Variants in GADL1 observed in about 807,000 individuals in gnomAD.
GADL1 encodes the protein GAD like acidic amino acid decarboxylase 1, also known as acidic amino acid decarboxylase GADL1.
In GADL1, 71 loss-of-function variants were observed where a neutral mutation model predicts 69.5. The observed-to-expected ratio is 1.02, with a 90% CI of 0.84 to 1.25. The LOEUF is 1.25. Ranked by LOEUF, GADL1 falls within the 50% of genes most tolerant of loss-of-function variation. The probability of loss-of-function intolerance (pLI) is 0.00; values close to 1 mark genes in which losing one functional copy is unlikely to be tolerated. For synonymous variants in GADL1, 254 were observed against 214.4 expected (o/e 1.18, Z -1.62); for missense variants, 737 against 631.8 (o/e 1.17, Z -1.79).
chr3:30,842,615 C>G (rs1461385660), intron 8 of GADL1, among the ~76,000 whole-genome samples: 1 of 151,756 alleles, frequency 6.6e-6, no homozygotes. Flanking sequence ...AATTAATATT[C>G]CCCACCAACA....
chr3:30,855,167 A>C (rs932923276), intron 3 of GADL1, among the ~76,000 whole-genome samples: 14 of 152,086 alleles, frequency 9.2e-5, no homozygotes, highest in Non-Finnish European at 2.1e-4. Context: ...AAAAAAATCC[A>C]AAACAGGATC....
At chr3:30,778,552 T>C (rs1696590644) in intron 13 of GADL1, among the ~76,000 whole-genome samples, 1 of 152,178 alleles carries the variant, frequency 6.6e-6, no homozygotes, top group East Asian at 1.9e-4. Flanking sequence ...GCTCTGATCG[T>C]CAGTTAGTGC....
Position 30,728,379 on chromosome 3 carries a change from C to G in GADL1, c.1429G>C (p.Gly477Arg). 9 of 1,613,810 alleles carry G rather than the reference C, an allele frequency of 5.6e-6. No homozygotes were observed. The highest frequency in any genetic ancestry group is 7.6e-6 in the Non-Finnish European group (9 of 1,179,838). Residue 477 changes from glycine (G) to arginine (R), a missense_variant, in exon 15 of 15, where the codon GGA becomes CGA. Coordinates refer to ENST00000282538, the MANE Select transcript of GADL1 (RefSeq NM_207359.3). Reference protein sequence around the residue: ...PAIKERMMKKGSLMLGYQPHR... With the variant: ...PAIKERMMKKRSLMLGYQPHR... ...GGCTGGTAGCCCAGCATCAAGCTTC[C>G]CTTCTTCATCATCCTCTCCTTAATG...
At chr3:30,867,099 A>G (rs755247574) in intron 1 of GADL1, among the ~76,000 whole-genome samples, 1 of 152,046 alleles carries the variant, frequency 6.6e-6, no homozygotes, top group Non-Finnish European at 1.5e-5. Flanking sequence ...ATTGGAGCCC[A>G]TCTGAGGAAA....
chr3:30,843,021 C>T (rs1426303870), intron 8 of GADL1, among the ~76,000 whole-genome samples: 1 of 151,514 alleles, frequency 6.6e-6, no homozygotes, highest in African/African-American at 2.4e-5. Context: ...CATTAAAAAA[C>T]CCATCCTTGT....
chr3:30,760,975 A>AAAAATC (rs5847625), intron 14 of GADL1, among the ~76,000 whole-genome samples: 1 of 150,436 alleles, frequency 6.6e-6, no homozygotes, highest in Non-Finnish European at 1.5e-5. Context: ...ATGGCTAATA[A>AAAAATC]ATATTTACCT....
chr3:30,753,466 GTT>G (rs1337380067), intron 14 of GADL1, among the ~76,000 whole-genome samples: 1 of 151,448 alleles, frequency 6.6e-6, no homozygotes, highest in Non-Finnish European at 1.5e-5. Context: ...AAATTCTCAG[GTT>G]TTTTCAATCC....
intron 14 of GADL1, among the ~76,000 whole-genome samples, chr3:30,773,191 CTT>C (rs972595967): frequency 6.6e-6 from 1 of 151,908 alleles, no homozygotes; most frequent in Admixed American, 6.6e-5. Context: ...CTTATAAAAA[CTT>C]TGTTGTTAAA....
chr3:30,749,595 A>G lies in GADL1; in HGVS notation c.1393-21180T>C, dbSNP rs191991919. ...GATCTTAGAGAACAGAACAGTTTTCAAACATTCCAACTGTGCTTCCCTGAT... is the reference window on the plus strand; with the variant it reads ...GATCTTAGAGAACAGAACAGTTTTCGAACATTCCAACTGTGCTTCCCTGAT... On this transcript the variant is annotated intron_variant, in intron 14 of 14. Coordinates refer to ENST00000282538, the MANE Select transcript of GADL1 (RefSeq NM_207359.3). 4.6e-5 allele frequency among the ~76,000 whole-genome samples: 7 copies of G among 152,332 alleles called. No homozygotes were observed. The East Asian group carries it at 1.3e-3, about 29-fold the overall frequency.
intron 12 of GADL1, among the ~76,000 whole-genome samples, chr3:30,794,630 TTC>T (rs752594433): frequency 2.6e-5 from 4 of 152,158 alleles, no homozygotes; most frequent in Non-Finnish European, 5.9e-5. Flanking sequence ...GGGAGAAATG[TTC>T]TCTCTTCAAT....
intron 14 of GADL1, among the ~76,000 whole-genome samples, chr3:30,769,817 C>T (rs1235080441): frequency 1.3e-5 from 2 of 152,170 alleles, no homozygotes; most frequent in Admixed American, 1.3e-4. Flanking sequence ...TCAAGCATCC[C>T]TCAGTCGATA....
rs1019401736 is a variant in GADL1, at chr3:30,875,691, C to T, written c.38-13926G>A. On this transcript the variant is annotated intron_variant, in intron 1 of 14. Coordinates refer to ENST00000282538, the MANE Select transcript of GADL1 (RefSeq NM_207359.3). The stretch of plus-strand genomic sequence containing the variant: ...TTAAATAGGATCTGATTTGCCCTCT[C>T]GGGTGGTTTCCTAATCCAGTATTCT... Among the ~76,000 whole-genome samples, 11 of 151,980 alleles carry T rather than the reference C, an allele frequency of 7.2e-5. No homozygotes were observed. The East Asian group carries it at 9.8e-4, about 13-fold the overall frequency.
chr3:30,810,021 G>GATACA (rs1697322316), intron 11 of GADL1, among the ~76,000 whole-genome samples: 2 of 152,334 alleles, frequency 1.3e-5, no homozygotes, highest in South Asian at 2.1e-4. Flanking sequence ...TGAGGTGCTT[G>GATACA]TGATTGAATT....
intron 12 of GADL1, chr3:30,799,880 G>A (rs534283044): frequency 6.6e-6 from 1 of 152,430 alleles, no homozygotes; most frequent in East Asian, 1.9e-4. Flanking sequence ...AACGTAACAA[G>A]AGTCAACTTT....
intron 14 of GADL1, among the ~76,000 whole-genome samples, chr3:30,742,812 A>T (rs143408866): frequency 3.1e-4 from 47 of 152,336 alleles, no homozygotes; most frequent in African/African-American, 9.9e-4. Flanking sequence ...CATATATTTT[A>T]GCATATTTCA....
At chr3:30,784,680 C>A (rs1333690704) in intron 13 of GADL1, among the ~76,000 whole-genome samples, 3 of 152,156 alleles carry the variant, frequency 2.0e-5, no homozygotes, top group Admixed American at 6.5e-5. Flanking sequence ...GCTTATTTTT[C>A]TCTTGTCCTC....
Position 30,800,915 on chromosome 3 carries a change from T to A in GADL1, c.1224A>T (p.Arg408Ser), listed in dbSNP as rs1379511067. Residue 408 changes from arginine (R) to serine (S), a missense_variant, in exon 12 of 15, where the codon AGA becomes AGT. Physicochemically the swap from Arg to Ser is moderately radical, Grantham distance 110. Coordinates refer to ENST00000282538, the MANE Select transcript of GADL1 (RefSeq NM_207359.3). ...KALGTLGLEE[R>S]VNRALALSRY... ...TAGATAAAGCAAGAGCACGATTAAC[T>A]CTTTCTTCAAGGCCTAATGTACCCA... 3.1e-6 allele frequency: 5 copies of A among 1,611,966 alleles called. No homozygotes were observed. The highest frequency in any genetic ancestry group is 2.5e-6 in the Non-Finnish European group (3 of 1,179,800).
At chr3:30,880,030 G>A (rs201509509) in intron 1 of GADL1, among the ~76,000 whole-genome samples, 2 of 86,234 alleles carry the variant, frequency 2.3e-5, no homozygotes, top group Non-Finnish European at 4.2e-5. Flanking sequence ...CATAAAGGAA[G>A]GAGGTATTCA....
At chr3:30,773,019 A>G (rs201586663) in intron 14 of GADL1, among the ~76,000 whole-genome samples, 4 of 151,990 alleles carry the variant, frequency 2.6e-5, no homozygotes, top group African/African-American at 9.7e-5. Flanking sequence ...GTTAGGAAGG[A>G]GGGGAGAGAT....
Sources: gnomAD v4.1 joint callset for allele counts (sites outside exome capture counted in the v4.1 genomes callset) on GRCh38, gnomAD v4.1.1 for gene constraint, MANE v1.5 for transcripts, NCBI Gene and HGNC (gene_info 2026-07-23, HGNC 2026-07-21) for gene names.